UNC13D: variants seen among roughly 807,000 people sequenced by gnomAD.
The protein encoded by UNC13D is protein unc-13 homolog D.
UNC13D carries 115 observed loss-of-function variants against 151.7 expected under a neutral mutation model. That is an observed-to-expected ratio of 0.76 (90% CI 0.65 to 0.88). UNC13D has a LOEUF of 0.88. Among genes scored for constraint, UNC13D ranks in the 40% least tolerant of loss-of-function variants. The pLI, the probability that UNC13D is intolerant of heterozygous loss-of-function variation, is 0.00. For missense variants in UNC13D, 1,369 were observed against 1,438.7 expected, an observed-to-expected ratio of 0.95 and a Z score of 0.78; for synonymous variants, 588 against 612.2, an observed-to-expected ratio of 0.96 and a Z score of 0.58.
chr17:75,828,150 G>A, intron 31 of UNC13D, 64 bp from the exon 32 acceptor site: 1 of 1,545,264 alleles, frequency 6.5e-7, no homozygotes, highest in Non-Finnish European at 8.8e-7. Context: ...TGGTGGCAGA[G>A]AAGAGTGTGT....
At chr17:75,842,328 C>T in intron 6 of UNC13D, 105 bp downstream of exon 6, 2 of 1,477,186 alleles carry the variant, frequency 1.4e-6, no homozygotes, top group South Asian at 2.7e-5. Context: ...CAGGGCCAAA[C>T]CCCCTCCCCT....
chr17:75,834,561 T>G, intron 22 of UNC13D, 30 bp from the exon 23 acceptor site: 1 of 1,609,504 alleles, frequency 6.2e-7, no homozygotes, highest in South Asian at 1.1e-5. Context: ...CTTCCTGAAC[T>G]GTGCCCAGGC....
Position 75,839,940 on chromosome 17 carries a change from C to G in UNC13D, c.954G>C (p.Ala318=). 6.2e-7 allele frequency: 1 copy of G among 1,613,674 alleles called. No individual in the cohort carries two copies. The highest frequency in any genetic ancestry group is 8.5e-7 in the Non-Finnish European group (1 of 1,179,988). ...GCGACCCGTCCCAGGAGGTGCTTCCCGCCTGAGGGGAGCAGGTGGAGGAGT... is the reference window on the plus strand; with the variant it reads ...GCGACCCGTCCCAGGAGGTGCTTCCGGCCTGAGGGGAGCAGGTGGAGGAGT... The part of the protein sequence containing the change: ...LVSHEVTQHE[A]GSTSWDGSLS... Residue 318 remains alanine, a splice_region_variant and synonymous_variant, in exon 12 of 32, where the codon GCG becomes GCC. Transcript: ENST00000207549.
At chr17:75,841,781 G>A (rs1236860046) in intron 6 of UNC13D, among the ~76,000 whole-genome samples, 7 of 125,398 alleles carry the variant, frequency 5.6e-5, no homozygotes, top group Middle Eastern at 6.3e-3. Context: ...ACAGAGTGTC[G>A]CTCTGTCACC....
chr17:75,839,741 C>T, intron 12 of UNC13D, 98 bp downstream of exon 12: 1 of 1,319,442 alleles, frequency 7.6e-7, no homozygotes, highest in East Asian at 2.3e-5. Context: ...CCAAAGGGAA[C>T]TCTGCTGAGA....
At position 75,834,733 on chromosome 17, in the gene UNC13D, C is replaced by G. The variant is rs1205379017; in HGVS notation, c.1993-17G>C. On this transcript the variant is annotated splice_polypyrimidine_tract_variant and intron_variant, in intron 21 of 31. Coordinates refer to ENST00000207549, the MANE Select transcript of UNC13D (RefSeq NM_199242.3). ...ACAGGTGTCCTAGGGTGGGGTTGGA[C>G]AGAGGGAACTGATCCATGGGTGGGG... 6.8e-6 allele frequency: 11 copies of G among 1,613,044 alleles called. No homozygotes were observed. The highest frequency in any genetic ancestry group is 9.3e-6 in the Non-Finnish European group (11 of 1,179,786).
chr17:75,834,870 A>C (rs191812498), intron 21 of UNC13D, 50 bp downstream of exon 21: 171 of 1,613,440 alleles, frequency 1.1e-4, no homozygotes, highest in Middle Eastern at 3.3e-4. Context: ...GGTGGGTGGT[A>C]GTGTGGCTGT....
chr17:75,839,184 C>T (rs1567820603), intron 12 of UNC13D, among the ~76,000 whole-genome samples: 1 of 151,846 alleles, frequency 6.6e-6, no homozygotes, highest in Non-Finnish European at 1.5e-5. Context: ...AGGCAGATCA[C>T]CTGAGGTCGG....
Position 75,827,287 on chromosome 17 carries a change from G to A in UNC13D, c.*678C>T. 1 of 499,560 alleles carries A rather than the reference G, an allele frequency of 2.0e-6. No individual in the cohort carries two copies. The highest frequency in any genetic ancestry group is 3.2e-6 in the Non-Finnish European group (1 of 308,980). The allele number at this position is 499,560 out of a possible 1,614,324, so 30.9% of individuals were successfully genotyped here. A position where few individuals can be genotyped will look rare whatever the true frequency, so the allele number is the denominator to read the frequency against. On this transcript the variant is annotated 3_prime_UTR_variant, in exon 32 of 32. Transcript: ENST00000207549. ...TTGCTAAGAAAGTTTCTAGGTGGCAGGTGCTGTCCGGGGAGGGGGCGTGCG... is the reference window on the plus strand; with the variant it reads ...TTGCTAAGAAAGTTTCTAGGTGGCAAGTGCTGTCCGGGGAGGGGGCGTGCG...
chr17:75,834,421 C>G lies in UNC13D; in HGVS notation c.2202G>C (p.Gln734His). 6.3e-7 allele frequency: 1 copy of G among 1,575,610 alleles called. No individual in the cohort carries two copies. Among genetic ancestry groups the G allele is most frequent in the Non-Finnish European group, 8.6e-7 (1 of 1,167,076 alleles). ...CATGCAGCGTGTTCTGCAGCTGCCC[C>G]TGCTCCAGCACGGCCCCTACCCGCT... ...LEQRVGAVLEQGQLQNTLHAQ... is the reference protein window; with the variant it reads ...LEQRVGAVLEHGQLQNTLHAQ... Residue 734 changes from glutamine to histidine, a missense_variant, in exon 23 of 32, where the codon CAG becomes CAC. Coordinates refer to ENST00000207549, the MANE Select transcript of UNC13D (RefSeq NM_199242.3).
rs546043808 is a variant in UNC13D, at chr17:75,835,914, A to G, written c.1545-8T>C. ...AGGTGGATCTTGAGGGTACTGGAGG[A>G]AAGGCAGCAGGTGTCACCCAGTGGC... On this transcript the variant is annotated splice_polypyrimidine_tract_variant and splice_region_variant and intron_variant, in intron 17 of 31. Transcript: ENST00000207549. The G allele has an allele frequency of 1.7e-5, 27 of 1,614,152 alleles. No individual in the cohort carries two copies. The South Asian group carries it at 3.0e-4, about 18-fold the overall frequency.
At position 75,830,562 on chromosome 17, in the gene UNC13D, G is replaced by C. The variant is rs747021679; in HGVS notation, c.2709+16C>G. On this transcript the variant is annotated intron_variant, in intron 28 of 31. Coordinates refer to ENST00000207549, the MANE Select transcript of UNC13D (RefSeq NM_199242.3). The stretch of plus-strand genomic sequence containing the variant: ...CCAGGGCCTGCAGAGGGCGCAGTGC[G>C]AGGGAGGGGCCTCACCTGCTGCTGG... 1.3e-6 allele frequency: 2 copies of C among 1,566,138 alleles called. No individual in the cohort carries two copies. The highest frequency in any genetic ancestry group is 1.7e-6 in the Non-Finnish European group (2 of 1,155,422).
chr17:75,831,450 C>A, intron 25 of UNC13D, 102 bp from the exon 26 acceptor site: 1 of 1,078,602 alleles, frequency 9.3e-7, no homozygotes, highest in Non-Finnish European at 1.3e-6. Context: ...TGACCCAGCC[C>A]CACCCCAGCT....
Position 75,833,122 on chromosome 17 carries a change from GGGA to G in UNC13D, c.2368-80_2368-78del. 6.9e-7 allele frequency: 1 copy of G among 1,445,514 alleles called. No homozygotes were observed. Among genetic ancestry groups the G allele is most frequent in the Non-Finnish European group, 9.5e-7 (1 of 1,053,304 alleles). The allele number at this position is 1,445,514 out of a possible 1,614,324, so 89.5% of individuals were successfully genotyped here. On this transcript the variant is annotated intron_variant, in intron 24 of 31. Coordinates refer to ENST00000207549, the MANE Select transcript of UNC13D (RefSeq NM_199242.3). This position sits in a 1 kb window ranked among gnomAD's most constrained non-coding sequence, Gnocchi z 4.0. ...CCCCATCCCCTTCCCCTGACCTGGAGGGAGGAAACAGGGCTGGGAACCGTTCTG... is the reference window on the plus strand; with the variant it reads ...CCCCATCCCCTTCCCCTGACCTGGAGGGAAACAGGGCTGGGAACCGTTCTG...
chr17:75,837,112 C>T (rs2064914905), intron 12 of UNC13D, among the ~76,000 whole-genome samples, 194 bp from the exon 13 acceptor site: 1 of 151,248 alleles, frequency 6.6e-6, no homozygotes, highest in Non-Finnish European at 1.5e-5. Flanking sequence ...GTCACCCAGG[C>T]TGGAGTGCAG....
In UNC13D at chr17:75,828,998, A is replaced by C; in HGVS notation, c.2955-15T>G. 1 of 1,599,450 alleles carries C rather than the reference A, an allele frequency of 6.3e-7. No homozygotes were observed. The highest frequency in any genetic ancestry group is 1.1e-5 in the South Asian group (1 of 90,678). On this transcript the variant is annotated splice_polypyrimidine_tract_variant and intron_variant, in intron 30 of 31. Coordinates refer to ENST00000207549, the MANE Select transcript of UNC13D (RefSeq NM_199242.3). ...CAGGCACCAGGCTGCGGGGAGAGTC[A>C]GGGCTCTGCTGCCAGCCCCAGCACA... is the stretch of plus-strand genomic sequence containing the variant.
chr17:75,829,087 T>C, intron 30 of UNC13D, 104 bp from the exon 31 acceptor site: 1 of 1,410,256 alleles, frequency 7.1e-7, no homozygotes, highest in Non-Finnish European at 9.6e-7. Flanking sequence ...GGGTTTGGAC[T>C]GCAAAGCCAG....
chr17:75,831,378 A>C (rs1567817234), intron 25 of UNC13D, 30 bp from the exon 26 acceptor site: 2 of 1,592,148 alleles, frequency 1.3e-6, no homozygotes, highest in East Asian at 4.5e-5. Flanking sequence ...ATGCGGACAC[A>C]GCACGGCAGG....
Position 75,836,653 on chromosome 17 carries a change from C to A in UNC13D, c.1217G>T (p.Gly406Val). The A allele has an allele frequency of 6.2e-7, 1 of 1,613,752 alleles. No individual in the cohort carries two copies. The highest frequency in any genetic ancestry group is 1.1e-5 in the South Asian group (1 of 91,078). Residue 406 changes from glycine to valine, a missense_variant, in exon 14 of 32, where the codon GGC becomes GTC. Gly to Val is a moderately radical substitution (Grantham distance 109). Coordinates refer to ENST00000207549, the MANE Select transcript of UNC13D (RefSeq NM_199242.3). ...GCGGAACCTCCGGATGAGGGAGAGG[C>A]CGTAGGTCAGCAGGGAGCTGAATGA... ...AASFSSLLTY[G>V]LSLIRRFRSV...
Sources: gnomAD v4.1 joint callset for allele counts (sites outside exome capture counted in the v4.1 genomes callset) on GRCh38, gnomAD v4.1.1 for gene constraint, Gnocchi (gnomAD v3.1) non-coding constraint, MANE v1.5 for transcripts, NCBI Gene and HGNC (gene_info 2026-07-23, HGNC 2026-07-21) for gene names.